The following UQCC1 variants were observed in gnomAD, a reference collection of about 807,000 sequenced individuals.
UQCC1 encodes the protein bFGF-repressed Zic-binding protein.
UQCC1 carries 38 observed loss-of-function variants against 48.0 expected under a neutral mutation model. The observed-to-expected ratio is 0.79, with a 90% CI of 0.61 to 1.04. The LOEUF is 1.04. Ranked by LOEUF, UQCC1 falls within the 50% of genes least tolerant of loss-of-function variation. UQCC1 has a pLI of 0.00. For missense variants in UQCC1, 368 were observed against 381.8 expected (o/e 0.96, Z 0.30); for synonymous variants, 111 against 129.2 (o/e 0.86, Z 0.95).
chr20:35,369,339 C>G (rs543014997), intron 5 of UQCC1, among the ~76,000 whole-genome samples: 40 of 152,320 alleles, frequency 2.6e-4, no homozygotes, highest in Admixed American at 2.5e-3. Context: ...GTGAACTATG[C>G]AAAAATACAG....
chr20:35,372,737 C>T lies in UQCC1; in HGVS notation c.406+1447G>A, dbSNP rs1318150389. On this transcript the variant is annotated intron_variant, in intron 5 of 9. Coordinates refer to ENST00000374385, the MANE Select transcript of UQCC1 (RefSeq NM_018244.5). ...TACAAAACTTAGCTGGGCATGGTGGCGTGCACCTGTAGTCCCAGCTACTCA... is the reference window on the plus strand; with the variant it reads ...TACAAAACTTAGCTGGGCATGGTGGTGTGCACCTGTAGTCCCAGCTACTCA... Among the ~76,000 whole-genome samples the T allele has an allele frequency of 2.6e-5, 4 of 152,018 alleles. No individual in the cohort carries two copies. The South Asian group carries it at 8.3e-4, about 32-fold the overall frequency.
At chr20:35,399,478 C>T (rs1391281247) in intron 1 of UQCC1, among the ~76,000 whole-genome samples, 1 of 152,170 alleles carries the variant, frequency 6.6e-6, no homozygotes, top group East Asian at 1.9e-4. Flanking sequence ...CACTGCTTCA[C>T]TCCACACATG....
chr20:35,387,107 T>A (rs999359679), intron 2 of UQCC1, among the ~76,000 whole-genome samples: 3 of 151,448 alleles, frequency 2.0e-5, no homozygotes, highest in African/African-American at 7.3e-5. Flanking sequence ...CAAACCACCA[T>A]CTCTACCCCC....
At chr20:35,379,425 CA>C (rs1482521470) in intron 4 of UQCC1, among the ~76,000 whole-genome samples, 1 of 152,154 alleles carries the variant, frequency 6.6e-6, no homozygotes, top group Non-Finnish European at 1.5e-5. Context: ...TTCTGTTTTT[CA>C]AAATGAAAAG....
intron 5 of UQCC1, among the ~76,000 whole-genome samples, chr20:35,370,516 T>A (rs1192312893): frequency 6.6e-6 from 1 of 152,174 alleles, no homozygotes; most frequent in Non-Finnish European, 1.5e-5. Flanking sequence ...TGGTTTGATA[T>A]GAAAACTTAA....
intron 7 of UQCC1, 126 bp downstream of exon 7, chr20:35,347,038 G>A: frequency 6.2e-7 from 1 of 1,603,028 alleles, no homozygotes; most frequent in Admixed American, 1.7e-5. Context: ...TAGCGGAACT[G>A]CCACTTGATA....
rs577735157 is a variant in UQCC1, at chr20:35,347,340, G to A, written c.465-68C>T. 2.0e-4 allele frequency: 317 copies of A among 1,585,244 alleles called. 1 individual carries two copies. The African/African-American group carries it at 4.0e-3, about 20-fold the overall frequency. ...TTTCACATCACACATTTCCACTGAA[G>A]GTCTCCTCATCTAAGAGTGAGTTTA... On this transcript the variant is annotated intron_variant, in intron 6 of 9. Coordinates refer to ENST00000374385, the MANE Select transcript of UQCC1 (RefSeq NM_018244.5).
intron 7 of UQCC1, among the ~76,000 whole-genome samples, chr20:35,340,646 G>A (rs182326507): frequency 7.8e-4 from 118 of 152,122 alleles, no homozygotes; most frequent in African/African-American, 2.6e-3. Flanking sequence ...CACCATAACC[G>A]GCTAATTTTA....
At chr20:35,379,557 A>G (rs2061841809) in intron 4 of UQCC1, among the ~76,000 whole-genome samples, 1 of 152,230 alleles carries the variant, frequency 6.6e-6, no homozygotes, top group South Asian at 2.1e-4. Context: ...TAATCCCAGC[A>G]CTTTGGGAGG....
At chr20:35,375,105 C>G (rs1415999354) in intron 4 of UQCC1, among the ~76,000 whole-genome samples, 1 of 152,040 alleles carries the variant, frequency 6.6e-6, no homozygotes, top group African/African-American at 2.4e-5. Context: ...CTTCTAGAAG[C>G]TTATTTTTTC....
intron 5 of UQCC1, among the ~76,000 whole-genome samples, chr20:35,373,403 G>A (rs1044208374): frequency 6.6e-6 from 1 of 152,194 alleles, no homozygotes. Context: ...AATGGGCCAG[G>A]CACAGTGGCT....
intron 7 of UQCC1, among the ~76,000 whole-genome samples, chr20:35,338,404 C>A (rs1209157161): frequency 6.6e-6 from 1 of 152,098 alleles, no homozygotes; most frequent in Non-Finnish European, 1.5e-5. Context: ...AAAGAGGACA[C>A]TGGACTGGAA....
At position 35,367,529 on chromosome 20, in the gene UQCC1, T is replaced by G. The variant is rs149901927; in HGVS notation, c.407-915A>C. 2.1e-4 allele frequency among the ~76,000 whole-genome samples: 32 copies of G among 151,816 alleles called. No homozygotes were observed. In the East Asian group the frequency reaches 6.2e-3, roughly 30 times the overall value. On this transcript the variant is annotated intron_variant, in intron 5 of 9. Coordinates refer to ENST00000374385, the MANE Select transcript of UQCC1 (RefSeq NM_018244.5). ...ATCCCAGCACTTAGGGAGGCTGAGG[T>G]GGGTGGATTGCTTGAGCCCAGGAGT...
chr20:35,391,442 G>A (rs1017966986), intron 2 of UQCC1, among the ~76,000 whole-genome samples: 1 of 151,960 alleles, frequency 6.6e-6, no homozygotes, highest in Non-Finnish European at 1.5e-5. Flanking sequence ...TTCACCAAAT[G>A]GTGAAACCCC....
intron 8 of UQCC1, among the ~76,000 whole-genome samples, chr20:35,312,349 C>T (rs1041367418): frequency 6.6e-6 from 1 of 152,050 alleles, no homozygotes; most frequent in African/African-American, 2.4e-5. Context: ...AATCAGGAGA[C>T]CCTATTTTAA....
chr20:35,332,892 C>G (rs564464654), intron 7 of UQCC1, among the ~76,000 whole-genome samples: 27 of 152,322 alleles, frequency 1.8e-4, no homozygotes, highest in Admixed American at 1.8e-3. Context: ...CGTTTCATAT[C>G]TTAATTTCAA....
At chr20:35,308,350 G>A (rs2060950835) in intron 8 of UQCC1, among the ~76,000 whole-genome samples, 1 of 152,256 alleles carries the variant, frequency 6.6e-6, no homozygotes, top group South Asian at 2.1e-4. Flanking sequence ...TTCTGCAAAC[G>A]ATTTGCTAGC....
chr20:35,334,589 T>C (rs1826045071), intron 7 of UQCC1, among the ~76,000 whole-genome samples: 1 of 152,238 alleles, frequency 6.6e-6, no homozygotes, highest in African/African-American at 2.4e-5. Flanking sequence ...TTAAAAACAT[T>C]ATAATTTCTT....
chr20:35,343,751 A>G (rs565604960), intron 7 of UQCC1, among the ~76,000 whole-genome samples: 2 of 152,214 alleles, frequency 1.3e-5, no homozygotes, highest in African/African-American at 4.8e-5. Flanking sequence ...AAACCTTGCT[A>G]TTGTCCCCTA....
Sources: allele counts gnomAD v4.1 joint callset (sites outside exome capture counted in the v4.1 genomes callset), GRCh38; gene constraint gnomAD v4.1.1; transcripts MANE v1.5; gene names NCBI Gene and HGNC (gene_info 2026-07-23, HGNC 2026-07-21).